CDK8: variants seen among roughly 807,000 people sequenced by gnomAD.
CDK8 encodes cyclin dependent kinase 8.
A neutral mutation model predicts 71.5 loss-of-function variants in CDK8; 29 were observed. That is an observed-to-expected ratio of 0.41 (90% CI 0.30 to 0.55). The LOEUF (loss-of-function observed/expected upper bound fraction) is 0.55. Among genes scored for constraint, CDK8 ranks in the 20% least tolerant of loss-of-function variants. The pLI, the probability that CDK8 is intolerant of heterozygous loss-of-function variation, is 0.37. For missense variants in CDK8, 288 were observed against 572.6 expected (o/e 0.50, Z 5.07); for synonymous variants, 161 against 192.1 (o/e 0.84, Z 1.34).
intron 1 of CDK8, among the ~76,000 whole-genome samples, chr13:26,289,166 T>A (rs1268166809): frequency 1.3e-5 from 2 of 150,810 alleles, no homozygotes; most frequent in Non-Finnish European, 2.9e-5. Flanking sequence ...GCAGTTCTTC[T>A]GCCTCAGCCT....
intron 8 of CDK8, among the ~76,000 whole-genome samples, 166 bp downstream of exon 8, chr13:26,396,520 T>C (rs1565999036): frequency 6.6e-6 from 1 of 152,034 alleles, no homozygotes; most frequent in Non-Finnish European, 1.5e-5. Context: ...TCTTTATTTC[T>C]TAAGATGCTT....
At position 26,365,049 on chromosome 13, in the gene CDK8, A is replaced by G. The variant is rs148396762; in HGVS notation, c.456+11169A>G. ...AAAATGCTTTTAGTTGTCAGGTTTA[A>G]TTATTACTCATGACTTGAGATTTGC... On this transcript the variant is annotated intron_variant, in intron 4 of 12. Transcript: ENST00000381527. 8.7e-4 allele frequency among the ~76,000 whole-genome samples: 133 copies of G among 152,204 alleles called. 1 individual carries two copies. The highest frequency in any genetic ancestry group is 3.1e-3 in the African/African-American group (129 of 41,516).
intron 1 of CDK8, among the ~76,000 whole-genome samples, chr13:26,317,115 C>T (rs1874545611): frequency 6.6e-6 from 1 of 152,086 alleles, no homozygotes; most frequent in Admixed American, 6.6e-5. Context: ...TGTGTGACTC[C>T]ATCAAGAGGA....
At chr13:26,354,308 A>G (rs922997600) in intron 4 of CDK8, among the ~76,000 whole-genome samples, 1 of 152,222 alleles carries the variant, frequency 6.6e-6, no homozygotes, top group Non-Finnish European at 1.5e-5. Context: ...AAGCCCCTCT[A>G]TATTAGCAGT....
At chr13:26,396,484 C>G (rs1875999270) in intron 8 of CDK8, 130 bp downstream of exon 8, 1 of 363,080 alleles carries the variant, frequency 2.8e-6, no homozygotes, top group South Asian at 1.3e-4. Flanking sequence ...CTTATTTACT[C>G]TAATAAATAT....
At chr13:26,321,395 G>A (rs1445145202) in intron 1 of CDK8, among the ~76,000 whole-genome samples, 7 of 152,150 alleles carry the variant, frequency 4.6e-5, no homozygotes, top group Non-Finnish European at 8.8e-5. Flanking sequence ...TGGGGAAGGG[G>A]GAGTTAGTGT....
chr13:26,387,491 C>T (rs556556210), intron 6 of CDK8, among the ~76,000 whole-genome samples: 15 of 152,166 alleles, frequency 9.9e-5, no homozygotes, highest in Non-Finnish European at 2.1e-4. Flanking sequence ...GCAGGTCTTT[C>T]CTCTGAAGCC....
At chr13:26,402,733 C>T (rs953671783) in intron 12 of CDK8, among the ~76,000 whole-genome samples, 2 of 152,128 alleles carry the variant, frequency 1.3e-5, no homozygotes, top group Non-Finnish European at 2.9e-5. Context: ...TCTCTCTTGG[C>T]CCACAAATGT....
At position 26,369,651 on chromosome 13, in the gene CDK8, C is replaced by T. The variant is rs370180011; in HGVS notation, c.457-13163C>T. ...TCATGCCATTCTCCTACCTCAGCCT[C>T]CCGAGTAGCTGGGACTACAGGTGCC... On this transcript the variant is annotated intron_variant, in intron 4 of 12. Coordinates refer to ENST00000381527, the MANE Select transcript of CDK8 (RefSeq NM_001260.3). 4.7e-4 allele frequency among the ~76,000 whole-genome samples: 70 copies of T among 149,364 alleles called. No individual in the cohort carries two copies. The East Asian group carries it at 0.014, about 29-fold the overall frequency.
intron 1 of CDK8, among the ~76,000 whole-genome samples, chr13:26,302,101 TA>T (rs1316866769): frequency 3.9e-5 from 6 of 152,196 alleles, no homozygotes; most frequent in African/African-American, 1.4e-4. Flanking sequence ...ATCCCAGCTC[TA>T]AAAAACACAA....
chr13:26,260,051 C>T (rs777896093), intron 1 of CDK8, among the ~76,000 whole-genome samples: 31 of 152,226 alleles, frequency 2.0e-4, no homozygotes, highest in Admixed American at 7.8e-4. Flanking sequence ...CAGGGAAGGT[C>T]TCATCAGAAA....
intron 1 of CDK8, among the ~76,000 whole-genome samples, chr13:26,312,551 C>G (rs1341114117): frequency 2.0e-5 from 3 of 152,128 alleles, no homozygotes; most frequent in Admixed American, 6.5e-5. Context: ...CTGAAGTCAG[C>G]AAGACCACGA....
chr13:26,310,565 C>T (rs548824034), intron 1 of CDK8, among the ~76,000 whole-genome samples: 4 of 152,232 alleles, frequency 2.6e-5, no homozygotes, highest in Admixed American at 2.6e-4. Flanking sequence ...CCCTCGCATA[C>T]AGTTCACAAT....
chr13:26,315,925 G>A (rs1874491589), intron 1 of CDK8, among the ~76,000 whole-genome samples: 1 of 152,208 alleles, frequency 6.6e-6, no homozygotes, highest in South Asian at 2.1e-4. Context: ...GAACCCTGGA[G>A]TCTGTTGAAG....
chr13:26,359,088 C>T (rs922885931), intron 4 of CDK8: 5 of 249,334 alleles, frequency 2.0e-5, no homozygotes, highest in Non-Finnish European at 4.1e-5. Flanking sequence ...AAGGATGAAC[C>T]TTGAGGACAT....
intron 1 of CDK8, among the ~76,000 whole-genome samples, chr13:26,298,157 A>T (rs1393829780): frequency 6.6e-6 from 1 of 152,118 alleles, no homozygotes; most frequent in East Asian, 1.9e-4. Flanking sequence ...AGGGATACAA[A>T]TATTTGGTCT....
At chr13:26,255,099 T>G (rs1372005609) in intron 1 of CDK8, among the ~76,000 whole-genome samples, 1 of 152,094 alleles carries the variant, frequency 6.6e-6, no homozygotes, top group African/African-American at 2.4e-5. Context: ...TTTGTTTTTT[T>G]TTTTCCTTGG....
intron 1 of CDK8, among the ~76,000 whole-genome samples, chr13:26,298,442 CA>C (rs996922378): frequency 2.7e-4 from 41 of 152,090 alleles, no homozygotes; most frequent in African/African-American, 9.9e-4. Context: ...GTGAGGTGGA[CA>C]GTGAAACTTC....
intron 1 of CDK8, among the ~76,000 whole-genome samples, chr13:26,294,575 A>T: frequency 6.6e-6 from 1 of 152,158 alleles, no homozygotes; most frequent in East Asian, 1.9e-4. Flanking sequence ...CCTCACGAAC[A>T]CTTGTCTTTT....
Sources: gnomAD v4.1 joint callset for allele counts (sites outside exome capture counted in the v4.1 genomes callset) on GRCh38, gnomAD v4.1.1 for gene constraint, MANE v1.5 for transcripts, NCBI Gene and HGNC (gene_info 2026-07-23, HGNC 2026-07-21) for gene names.